Variants in ACSBG2 observed in about 807,000 individuals in gnomAD.
ACSBG2 encodes the protein acyl-CoA synthetase bubblegum family member 2, also known as long-chain-fatty-acid--CoA ligase ACSBG2.
Under a neutral mutation model 74.7 loss-of-function variants are expected in ACSBG2, and 62 were observed. The ratio of observed to expected loss-of-function variants is 0.83; its 90% CI spans 0.68 to 1.03. The LOEUF (loss-of-function observed/expected upper bound fraction) is 1.03, where lower values mean the gene tolerates loss of function less well. Ranked by LOEUF, ACSBG2 falls within the 50% of genes least tolerant of loss-of-function variation. The pLI is 0.00. For missense variants in ACSBG2, 730 were observed against 817.6 expected, an observed-to-expected ratio of 0.89 and a Z score of 1.31; for synonymous variants, 309 against 294.1, an observed-to-expected ratio of 1.05 and a Z score of -0.52.
In ACSBG2 at chr19:6,147,576, T is replaced by G; in HGVS notation, c.198T>G (p.Thr66=). ...GAGAGTCAGTCAACCGATTTGGAACTTATCCAGCCCTCGCATCCAAGAATG... is the reference window on the plus strand; with the variant it reads ...GAGAGTCAGTCAACCGATTTGGAACGTATCCAGCCCTCGCATCCAAGAATG... The part of the protein sequence containing the change: ...FFRESVNRFG[T]YPALASKNGK... The change falls in exon 3 of 15, where the codon ACT becomes ACG. Residue 66 remains threonine (T), a synonymous_variant. Transcript: ENST00000588485. The G allele has an allele frequency of 2.5e-6, 4 of 1,614,202 alleles. No individual in the cohort carries two copies. The highest frequency in any genetic ancestry group is 3.4e-6 in the Non-Finnish European group (4 of 1,180,050).
chr19:6,153,385 A>G (rs2089300884), intron 4 of ACSBG2, among the ~76,000 whole-genome samples: 1 of 152,184 alleles, frequency 6.6e-6, no homozygotes, highest in African/African-American at 2.4e-5. Flanking sequence ...CCCAAGTAAT[A>G]ATGATGGTGA....
At chr19:6,170,164 T>C (rs2089926294) in intron 7 of ACSBG2, among the ~76,000 whole-genome samples, 2 of 152,188 alleles carry the variant, frequency 1.3e-5, no homozygotes, top group South Asian at 4.1e-4. Flanking sequence ...TTGTTTCAGT[T>C]CTTAGAGGGA....
chr19:6,162,642 C>T (rs1057043963), intron 6 of ACSBG2, among the ~76,000 whole-genome samples: 12 of 151,424 alleles, frequency 7.9e-5, no homozygotes, highest in Non-Finnish European at 1.6e-4. Flanking sequence ...TCTTAAGTCT[C>T]GGATAACTTA....
rs751060741 is a variant in ACSBG2 at position 6,147,566 on chromosome 19, G to A, written c.188G>A (p.Arg63Gln). 2.8e-5 allele frequency: 46 copies of A among 1,614,098 alleles called. No homozygotes were observed. The highest frequency in any genetic ancestry group is 3.7e-5 in the Non-Finnish European group (44 of 1,180,028). ...IPEFFRESVN[R>Q]FGTYPALASK... is the part of the protein sequence containing the mutation. ...GAATTTTTTCGAGAGTCAGTCAACC[G>A]ATTTGGAACTTATCCAGCCCTCGCA... The change falls in exon 3 of 15, where the codon CGA (arginine) becomes CAA (glutamine). Residue 63 changes from arginine (R) to glutamine (Q), a missense_variant. Arg to Gln is a conservative substitution (Grantham distance 43, BLOSUM62 1). Coordinates refer to ENST00000588485, the MANE Select transcript of ACSBG2 (RefSeq NM_030924.5).
At chr19:6,139,065 A>G (rs1018481458) in intron 1 of ACSBG2, among the ~76,000 whole-genome samples, 1 of 148,516 alleles carries the variant, frequency 6.7e-6, no homozygotes, top group Non-Finnish European at 1.5e-5. Flanking sequence ...ATTCAAGTTC[A>G]CTTTACTTAT....
intron 7 of ACSBG2, among the ~76,000 whole-genome samples, chr19:6,169,275 TAG>T (rs1295916975): frequency 6.6e-6 from 1 of 152,224 alleles, no homozygotes; most frequent in Non-Finnish European, 1.5e-5. Context: ...GAATTTTTCC[TAG>T]GTTTTCTTCT....
In ACSBG2 at chr19:6,174,564, T is replaced by A. The variant is rs2090045045; in HGVS notation, c.739-2665T>A. Among the ~76,000 whole-genome samples the A allele has an allele frequency of 6.6e-6, 1 of 152,206 alleles. No homozygotes were observed. Among genetic ancestry groups the A allele is most frequent in the African/African-American group, 2.4e-5 (1 of 41,442 alleles). ...TGGCTTATGTATGTAATCCCAGCAC[T>A]TTGGGAGGCCGAGACAGGAGGATTG... On this transcript the variant is annotated intron_variant, in intron 7 of 14. Transcript: ENST00000588485. The surrounding 1 kb of genome is among the most constrained non-coding windows in gnomAD (Gnocchi z 4.2).
rs1600016210 is a variant in ACSBG2 at position 6,147,615 on chromosome 19, A to C, written c.237A>C (p.Glu79Asp). The C allele has an allele frequency of 6.2e-7, 1 of 1,614,194 alleles. No homozygotes were observed. Among genetic ancestry groups the C allele is most frequent in the Middle Eastern group, 1.6e-4 (1 of 6,062 alleles). Residue 79 changes from glutamate (E) to aspartate (D), a missense_variant, in exon 3 of 15, where the codon GAA (glutamate) becomes GAC (aspartate). Glu to Asp is a conservative substitution (Grantham distance 45, BLOSUM62 2). Transcript: ENST00000588485. ...CATCCAAGAATGGCAAAAAGTGGGAAATTCTGAATTTCAACCAGTACTATG... is the reference window on the plus strand; with the variant it reads ...CATCCAAGAATGGCAAAAAGTGGGACATTCTGAATTTCAACCAGTACTATG... ...ALASKNGKKW[E>D]ILNFNQYYEA...
At chr19:6,163,750 G>C (rs1301952763) in intron 6 of ACSBG2, among the ~76,000 whole-genome samples, 1 of 128,414 alleles carries the variant, frequency 7.8e-6, no homozygotes, top group Non-Finnish European at 1.6e-5. Flanking sequence ...GCAAGACTCT[G>C]TCTCCAAATA....
At chr19:6,153,880 AAAGGAAAAGAAAAAAGAAAAG>A (rs1409021073) in intron 4 of ACSBG2, among the ~76,000 whole-genome samples, 2 of 107,696 alleles carry the variant, frequency 1.9e-5, no homozygotes, top group Admixed American at 2.4e-4. Flanking sequence ...AAAGAAAAGA[AAAGGAAAAGAAAAAAGAAAAG>A]AAGGAAAAGA....
Position 6,185,614 on chromosome 19 carries a change from G to T in ACSBG2, c.1501G>T (p.Asp501Tyr). 1 of 1,614,166 alleles carries T rather than the reference G, an allele frequency of 6.2e-7. No homozygotes were observed. Among genetic ancestry groups the T allele is most frequent in the South Asian group, 1.1e-5 (1 of 91,078 alleles). The change falls in exon 11 of 15, where the codon GAC becomes TAC. Residue 501 changes from aspartate to tyrosine, a missense_variant. Physicochemically the swap from Asp to Tyr is radical, Grantham distance 160. Coordinates refer to ENST00000588485, the MANE Select transcript of ACSBG2 (RefSeq NM_030924.5). Reference protein sequence around the residue: ...WLHSGDLGQLDGLGFLYVTGH... With the variant: ...WLHSGDLGQLYGLGFLYVTGH... ...ACACTCTGGGGATCTGGGCCAGCTG[G>T]ACGGTCTGGGTTTCCTCTATGTCAC...
At chr19:6,142,204 T>C (rs542122959) in intron 2 of ACSBG2, among the ~76,000 whole-genome samples, 1 of 152,314 alleles carries the variant, frequency 6.6e-6, no homozygotes, top group East Asian at 1.9e-4. Context: ...CCCTGTCAGG[T>C]TGGTGAGCCC....
At chr19:6,185,409 T>C in intron 10 of ACSBG2, 27 bp from the exon 11 acceptor site, 1 of 1,612,612 alleles carries the variant, frequency 6.2e-7, no homozygotes, top group Non-Finnish European at 8.5e-7. Flanking sequence ...CCTATGAGCC[T>C]GTTTCTCTGC....
chr19:6,179,769 C>T lies in ACSBG2; in HGVS notation c.906+2373C>T, dbSNP rs184490144. Among the ~76,000 whole-genome samples, 157 of 152,190 alleles carry T rather than the reference C, an allele frequency of 1.0e-3. 1 individual carries two copies. The East Asian group carries it at 0.016, about 15-fold the overall frequency. ...CCGGGATTACAGGCGTGCACCACCA[C>T]GCCCAGCTAATTTTTGTATTTTTAG... On this transcript the variant is annotated intron_variant, in intron 8 of 14. Transcript: ENST00000588485.
At chr19:6,141,089 G>T (rs76334550) in intron 1 of ACSBG2, among the ~76,000 whole-genome samples, 5,493 of 152,064 alleles carry the variant, frequency 0.036, 207 homozygotes, top group African/African-American at 0.1. Flanking sequence ...TGGTATTCTT[G>T]GCCATGTGGA....
chr19:6,158,440 G>T (rs544518483), intron 5 of ACSBG2, among the ~76,000 whole-genome samples: 64 of 135,256 alleles, frequency 4.7e-4, no homozygotes, highest in Middle Eastern at 3.8e-3. Flanking sequence ...GCTGTCTTAC[G>T]TTTTTTTTTT....
chr19:6,147,129 T>A (rs1460876258), intron 2 of ACSBG2, among the ~76,000 whole-genome samples: 1 of 150,772 alleles, frequency 6.6e-6, no homozygotes, highest in Non-Finnish European at 1.5e-5. Context: ...AAAAAAAAAA[T>A]GGACATAACA....
intron 7 of ACSBG2, chr19:6,176,554 C>T: frequency 3.4e-6 from 1 of 294,802 alleles, no homozygotes; most frequent in Non-Finnish European, 6.8e-6. Context: ...CATCTGGGTA[C>T]CCATAAAGAT....
At chr19:6,191,191 G>A (rs2090553879) in intron 14 of ACSBG2, 1 of 153,298 alleles carries the variant, frequency 6.5e-6, no homozygotes, top group African/African-American at 2.4e-5. Context: ...CCCAAGACAT[G>A]TGCAGAGGGA....
Sources: gnomAD v4.1 joint callset for allele counts (sites outside exome capture counted in the v4.1 genomes callset) on GRCh38, gnomAD v4.1.1 for gene constraint, Gnocchi (gnomAD v3.1) non-coding constraint, MANE v1.5 for transcripts, NCBI Gene and HGNC (gene_info 2026-07-23, HGNC 2026-07-21) for gene names.